The following RBFOX1 variants were observed in gnomAD, a reference collection of about 807,000 sequenced individuals.
RBFOX1 encodes the protein RNA binding protein fox-1 homolog 1.
A neutral mutation model predicts 57.7 loss-of-function variants in RBFOX1; 8 were observed. The ratio of observed to expected loss-of-function variants is 0.14; its 90% CI spans 0.08 to 0.25. RBFOX1 has a LOEUF of 0.25. RBFOX1 is among the 10% of genes least tolerant of loss of function. The pLI is 1.00. For synonymous variants in RBFOX1, 326 were observed against 222.4 expected (o/e 1.47, Z -4.15); for missense variants, 611 against 548.5 (o/e 1.11, Z -1.14).
At chr16:7,219,362 G>T (rs1355172973) in intron 4 of RBFOX1, among the ~76,000 whole-genome samples, 1 of 152,202 alleles carries the variant, frequency 6.6e-6, no homozygotes, top group African/African-American at 2.4e-5. Context: ...AGTCAGAAAG[G>T]AGTGTTGGGT....
At chr16:7,037,333 C>T (rs981853089) in intron 3 of RBFOX1, among the ~76,000 whole-genome samples, 1 of 149,778 alleles carries the variant, frequency 6.7e-6, no homozygotes, top group African/African-American at 2.5e-5. Flanking sequence ...CCTCCACTTC[C>T]CAGGTTCAAG....
chr16:6,120,092 G>C (rs9646295), intron 1 of RBFOX1, among the ~76,000 whole-genome samples: 58,476 of 152,070 alleles, frequency 0.38, 11,825 homozygotes, highest in Non-Finnish European at 0.45. Context: ...TTTTGAAGTT[G>C]AGCCATGTGG....
intron 4 of RBFOX1, among the ~76,000 whole-genome samples, chr16:7,215,240 C>T (rs1273574476): frequency 6.6e-6 from 1 of 152,178 alleles, no homozygotes; most frequent in Admixed American, 6.5e-5. Flanking sequence ...TTAGTTCAAC[C>T]ACTGTGGAAG....
At chr16:6,312,133 T>C (rs1450039124) in intron 1 of RBFOX1, among the ~76,000 whole-genome samples, 2 of 152,156 alleles carry the variant, frequency 1.3e-5, no homozygotes, top group African/African-American at 4.8e-5. Flanking sequence ...TATACATAAT[T>C]GCATTGTTTG....
At chr16:5,657,652 CT>C (rs377709791) in intron 3 of RBFOX1, among the ~76,000 whole-genome samples, 47,606 of 113,664 alleles carry the variant, frequency 0.42, 10,658 homozygotes, top group Non-Finnish European at 0.47. Context: ...TTCTTTCTTT[CT>C]TTTCTTTTCT....
At chr16:7,596,262 G>T (rs1425774971) in intron 8 of RBFOX1, among the ~76,000 whole-genome samples, 5 of 150,658 alleles carry the variant, frequency 3.3e-5, no homozygotes, top group Non-Finnish European at 7.4e-5. Context: ...TCAATATCTG[G>T]CCCCTGTTCA....
At chr16:6,947,357 G>A (rs538005840) in intron 3 of RBFOX1, among the ~76,000 whole-genome samples, 7 of 152,276 alleles carry the variant, frequency 4.6e-5, no homozygotes, top group East Asian at 1.9e-4. Context: ...AGACACCTGG[G>A]TGCCTGAGCC....
At chr16:5,516,229 A>G (rs923516820) in intron 2 of RBFOX1, among the ~76,000 whole-genome samples, 8 of 152,202 alleles carry the variant, frequency 5.3e-5, no homozygotes, top group Non-Finnish European at 7.3e-5. Context: ...CTTATTTTCT[A>G]TCACTTCCTG....
intron 1 of RBFOX1, among the ~76,000 whole-genome samples, chr16:6,156,353 C>A (rs1482054842): frequency 1.3e-5 from 2 of 152,128 alleles, no homozygotes; most frequent in Admixed American, 1.3e-4. Context: ...TTTCTAGCCC[C>A]ACCCAGTGAA....
chr16:6,087,079 A>G (rs1162775604), intron 1 of RBFOX1, among the ~76,000 whole-genome samples: 2 of 152,228 alleles, frequency 1.3e-5, no homozygotes, highest in Non-Finnish European at 2.9e-5. Flanking sequence ...CCAAAAGGAA[A>G]AGAGACAAAT....
At chr16:7,358,414 T>G (rs548927246) in intron 4 of RBFOX1, among the ~76,000 whole-genome samples, 29 of 151,766 alleles carry the variant, frequency 1.9e-4, no homozygotes, top group African/African-American at 6.8e-4. Context: ...TTGTGTTTTT[T>G]GTTTTTTGTT....
chr16:6,502,039 G>A (rs1371912732), intron 2 of RBFOX1, among the ~76,000 whole-genome samples: 3 of 152,126 alleles, frequency 2.0e-5, no homozygotes, highest in Non-Finnish European at 4.4e-5. Flanking sequence ...GGGTCATGAG[G>A]GTATAACCCT....
At chr16:6,069,132 C>T (rs2095803333) in intron 1 of RBFOX1, among the ~76,000 whole-genome samples, 1 of 152,126 alleles carries the variant, frequency 6.6e-6, no homozygotes, top group South Asian at 2.1e-4. Flanking sequence ...GGCACGGCGG[C>T]TGACGCATGT....
At chr16:7,444,705 C>T (rs1330656556) in intron 4 of RBFOX1, among the ~76,000 whole-genome samples, 7 of 152,050 alleles carry the variant, frequency 4.6e-5, no homozygotes. Flanking sequence ...CTAATTTTTA[C>T]ATTATTTGTA....
intron 4 of RBFOX1, among the ~76,000 whole-genome samples, chr16:7,399,064 C>G (rs2098191779): frequency 6.6e-6 from 1 of 152,170 alleles, no homozygotes; most frequent in Non-Finnish European, 1.5e-5. Flanking sequence ...CACTTTGTAC[C>G]TCAAACCTCA....
chr16:6,471,858 A>T (rs141670441), intron 2 of RBFOX1, among the ~76,000 whole-genome samples: 44 of 152,302 alleles, frequency 2.9e-4, no homozygotes, highest in Non-Finnish European at 6.0e-4. Context: ...CTTCACAGGA[A>T]GTCGACTTGC....
chr16:5,841,499 G>A (rs1396917549), intron 3 of RBFOX1, among the ~76,000 whole-genome samples: 3 of 152,176 alleles, frequency 2.0e-5, no homozygotes, highest in Non-Finnish European at 2.9e-5. Flanking sequence ...GATATAACAA[G>A]TAAAATACAG....
At chr16:5,859,020 C>T (rs752743860) in intron 3 of RBFOX1, among the ~76,000 whole-genome samples, 12 of 152,160 alleles carry the variant, frequency 7.9e-5, no homozygotes, top group Non-Finnish European at 1.8e-4. Flanking sequence ...TTCAAGCCTG[C>T]ATGGTGAAAC....
intron 14 of RBFOX1, among the ~76,000 whole-genome samples, chr16:7,699,593 C>T (rs1002078625): frequency 6.6e-6 from 1 of 152,138 alleles, no homozygotes; most frequent in Non-Finnish European, 1.5e-5. Context: ...CAGTCCACAC[C>T]AGGATGAGTT....
Sources: allele counts gnomAD v4.1 joint callset (sites outside exome capture counted in the v4.1 genomes callset), GRCh38; gene constraint gnomAD v4.1.1; transcripts MANE v1.5; gene names NCBI Gene and HGNC (gene_info 2026-07-23, HGNC 2026-07-21).